COBL: variants seen among roughly 807,000 people sequenced by gnomAD.
COBL encodes protein cordon-bleu.
A neutral mutation model predicts 98.8 loss-of-function variants in COBL; 51 were observed. That is an observed-to-expected ratio of 0.52 (90% confidence interval 0.41 to 0.65). The LOEUF (loss-of-function observed/expected upper bound fraction) is 0.65, where lower values mean the gene tolerates loss of function less well. COBL is among the 30% of genes least tolerant of loss of function. The pLI, the probability that COBL is intolerant of heterozygous loss-of-function variation, is 0.00. For synonymous variants in COBL, 634 were observed against 651.7 expected, an observed-to-expected ratio of 0.97 and a Z score of 0.41; for missense variants, 1,617 against 1,617.5, an observed-to-expected ratio of 1.00 and a Z score of 0.01.
chr7:51,175,959 T>C (rs1788335001), intron 5 of COBL, among the ~76,000 whole-genome samples: 1 of 152,212 alleles, frequency 6.6e-6, no homozygotes, highest in Non-Finnish European at 1.5e-5. Context: ...CACGGGCAGC[T>C]TTTGTTTTCC....
At position 51,029,405 on chromosome 7, in the gene COBL, G is replaced by A. The variant is rs754212950; in HGVS notation, c.1691C>T (p.Ala564Val). 1 of 1,614,092 alleles carries A rather than the reference G, an allele frequency of 6.2e-7. No individual in the cohort carries two copies. The highest frequency in any genetic ancestry group is 1.7e-5 in the Admixed American group (1 of 60,026). Residue 564 changes from alanine (A) to valine (V), a missense_variant, in exon 10 of 13, where the codon GCT (alanine) becomes GTT (valine). Physicochemically the swap from Ala to Val is moderately conservative, Grantham distance 64 (BLOSUM62 0). Transcript: ENST00000265136. ...SGLFSNRNNN[A>V]GSFDSEGVAS... ...AACACCCTCCGAGTCGAAAGACCCA[G>A]CATTGTTGTTTCTATTGGAAAACAA... is the stretch of plus-strand genomic sequence containing the variant.
chr7:51,078,308 C>T (rs1460906302), intron 7 of COBL, among the ~76,000 whole-genome samples: 2 of 152,158 alleles, frequency 1.3e-5, no homozygotes, highest in African/African-American at 4.8e-5. Context: ...GTCTCTCTTC[C>T]TCTTATGAAA....
At position 51,029,354 on chromosome 7, in the gene COBL, G is replaced by A. The variant is rs1404077954; in HGVS notation, c.1742C>T (p.Pro581Leu). 6.2e-7 allele frequency: 1 copy of A among 1,605,930 alleles called. No individual in the cohort carries two copies. Among genetic ancestry groups the A allele is most frequent in the Admixed American group, 1.7e-5 (1 of 59,756 alleles). The change falls in exon 10 of 13, where the codon CCA (proline) becomes CTA (leucine). Residue 581 changes from proline to leucine, a missense_variant. Transcript: ENST00000265136. ...GGGCTGGCTGTGCTCAGCTTGAAGT[G>A]GCGCCAGGGAGTCTCTCCTGCTGGC... ...GVASRRDSLA[P>L]LQAEHSQPHE...
intron 2 of COBL, among the ~76,000 whole-genome samples, chr7:51,214,563 A>G (rs1323311728): frequency 6.6e-6 from 1 of 152,112 alleles, no homozygotes; most frequent in African/African-American, 2.4e-5. Context: ...CTTGGAGGTC[A>G]CCTTACTTCA....
At chr7:51,209,067 A>AC (rs68060933) in intron 2 of COBL, among the ~76,000 whole-genome samples, 2 of 42,452 alleles carry the variant, frequency 4.7e-5, no homozygotes, top group Non-Finnish European at 8.1e-5. Flanking sequence ...AAAAAAAAAA[A>AC]AAAAACATTT....
chr7:51,246,938 G>A (rs1796318698), intron 1 of COBL, among the ~76,000 whole-genome samples: 1 of 152,170 alleles, frequency 6.6e-6, no homozygotes, highest in Non-Finnish European at 1.5e-5. Context: ...TCCCCACCAA[G>A]TCCTAAACAT....
chr7:51,214,187 A>C (rs1584198648), intron 2 of COBL, among the ~76,000 whole-genome samples: 1 of 151,724 alleles, frequency 6.6e-6, no homozygotes, highest in African/African-American at 2.4e-5. Flanking sequence ...AATCACTTGA[A>C]CCTCGGAGGC....
At chr7:51,235,788 T>C (rs569773103) in intron 1 of COBL, among the ~76,000 whole-genome samples, 1 of 152,100 alleles carries the variant, frequency 6.6e-6, no homozygotes, top group Non-Finnish European at 1.5e-5. Context: ...GGCAGTGAGC[T>C]TGGCCCAACA....
chr7:51,134,106 T>C (rs1245206749), intron 6 of COBL, among the ~76,000 whole-genome samples: 1 of 152,206 alleles, frequency 6.6e-6, no homozygotes, highest in Non-Finnish European at 1.5e-5. Context: ...CTTATCTTTA[T>C]ATGGAAGGAA....
chr7:51,169,626 C>T (rs1421091565), intron 5 of COBL, among the ~76,000 whole-genome samples: 1 of 152,092 alleles, frequency 6.6e-6, no homozygotes, highest in Non-Finnish European at 1.5e-5. Context: ...CATGTTCTCA[C>T]TTATTTGTGA....
intron 1 of COBL, among the ~76,000 whole-genome samples, chr7:51,287,242 T>C (rs1407997796): frequency 1.3e-5 from 2 of 151,784 alleles, no homozygotes; most frequent in Non-Finnish European, 1.5e-5. Flanking sequence ...TATTCCAAAA[T>C]AAAAGTTGAA....
At chr7:51,309,933 G>A (rs147127752) in intron 1 of COBL, among the ~76,000 whole-genome samples, 1,831 of 152,266 alleles carry the variant, frequency 0.012, 18 homozygotes, top group Non-Finnish European at 0.018. Flanking sequence ...TCCTGGGGGA[G>A]CCCCAGCTGC....
intron 1 of COBL, among the ~76,000 whole-genome samples, chr7:51,288,437 A>AG (rs1660370908): frequency 1.3e-5 from 2 of 148,226 alleles, no homozygotes; most frequent in African/African-American, 5.0e-5. Flanking sequence ...AAAAAAAAAA[A>AG]GAAAGAAAGA....
intron 1 of COBL, among the ~76,000 whole-genome samples, chr7:51,289,467 C>G (rs1223709691): frequency 2.0e-5 from 3 of 152,200 alleles, no homozygotes; most frequent in Non-Finnish European, 4.4e-5. Context: ...TTATGATCTT[C>G]CATGGCTCCT....
intron 7 of COBL, among the ~76,000 whole-genome samples, chr7:51,056,196 C>A: frequency 8.1e-6 from 1 of 123,860 alleles, no homozygotes; most frequent in African/African-American, 3.5e-5. Context: ...AAACAAAGAG[C>A]AAAGAAACAA....
intron 1 of COBL, among the ~76,000 whole-genome samples, chr7:51,223,524 C>A (rs1793867490): frequency 6.6e-6 from 1 of 152,196 alleles, no homozygotes; most frequent in South Asian, 2.1e-4. Context: ...GTCTGAAGAT[C>A]TCCACCAGCC....
chr7:51,170,172 A>C (rs1201566766), intron 5 of COBL, among the ~76,000 whole-genome samples: 1 of 151,528 alleles, frequency 6.6e-6, no homozygotes, highest in Admixed American at 6.6e-5. Context: ...TTCCTACTGT[A>C]TACAATGAAA....
At chr7:51,143,701 G>A (rs1317091764) in intron 5 of COBL, among the ~76,000 whole-genome samples, 1 of 152,318 alleles carries the variant, frequency 6.6e-6, no homozygotes, top group Non-Finnish European at 1.5e-5. Context: ...TTTCTAAAAC[G>A]TGTACCAAAT....
At chr7:51,163,193 G>A (rs1786991473) in intron 5 of COBL, among the ~76,000 whole-genome samples, 2 of 152,196 alleles carry the variant, frequency 1.3e-5, no homozygotes, top group Admixed American at 1.3e-4. Context: ...GATTAAGCAA[G>A]CACTGGCATC....
Sources: allele counts gnomAD v4.1 joint callset (sites outside exome capture counted in the v4.1 genomes callset), GRCh38; gene constraint gnomAD v4.1.1; transcripts MANE v1.5; gene names NCBI Gene and HGNC (gene_info 2026-07-23, HGNC 2026-07-21).